The following MRAP variants were observed in gnomAD, a reference collection of about 807,000 sequenced individuals.
MRAP encodes melanocortin 2 receptor accessory protein.
A neutral mutation model predicts 8.7 loss-of-function variants in MRAP; 8 were observed. The observed-to-expected ratio is 0.92, with a 90% CI of 0.54 to 1.66. The LOEUF (loss-of-function observed/expected upper bound fraction) is 1.66. Ranked by LOEUF, MRAP falls within the 40% of genes most tolerant of loss-of-function variation. MRAP has a pLI of 0.00. For synonymous variants in MRAP, 95 were observed against 95.5 expected, an observed-to-expected ratio of 1.00 and a Z score of 0.03; for missense variants, 237 against 217.1, an observed-to-expected ratio of 1.09 and a Z score of -0.58.
chr21:32,298,107 A>C (rs1331736313), upstream of MRAP, among the ~76,000 whole-genome samples: 2 of 152,172 alleles, frequency 1.3e-5, no homozygotes, highest in Non-Finnish European at 2.9e-5. Flanking sequence ...CTCATTCCAG[A>C]TGTTCAGAAT....
chr21:32,313,458 T>C (rs1424956608), downstream of MRAP: 1 of 152,204 alleles, frequency 6.6e-6, no homozygotes, highest in Non-Finnish European at 1.5e-5. Context: ...CAGGATAGTC[T>C]CAAAGAATAG....
intron 1 of MRAP, among the ~76,000 whole-genome samples, chr21:32,302,094 T>C (rs1370741449): frequency 6.6e-6 from 1 of 152,250 alleles, no homozygotes; most frequent in Admixed American, 6.5e-5. Context: ...GACTCTACTG[T>C]TGCTCAACAA....
downstream of MRAP, chr21:32,314,533 TA>T: frequency 6.2e-7 from 1 of 1,606,112 alleles, no homozygotes; most frequent in Non-Finnish European, 8.5e-7. Context: ...AAAAATCTGA[TA>T]CCTTTTGACA....
intron 2 of MRAP, among the ~76,000 whole-genome samples, chr21:32,293,534 A>G (rs1467074739): frequency 6.6e-5 from 10 of 152,126 alleles, no homozygotes; most frequent in Admixed American, 6.5e-4. Context: ...AGGTCCCACC[A>G]CCTGAGACCA....
chr21:32,303,973 T>A (rs1343793369), intron 1 of MRAP, among the ~76,000 whole-genome samples: 2 of 152,218 alleles, frequency 1.3e-5, no homozygotes, highest in East Asian at 1.9e-4. Flanking sequence ...TGTCATCTTA[T>A]TTCTTGCTCA....
upstream of MRAP, among the ~76,000 whole-genome samples, chr21:32,294,608 TA>T: frequency 6.6e-6 from 1 of 152,342 alleles, no homozygotes; most frequent in Non-Finnish European, 1.5e-5. Context: ...AGTAGATATA[TA>T]ATTTTTAACT....
At chr21:32,297,689 C>T (rs1344509603), upstream of MRAP, among the ~76,000 whole-genome samples, 1 of 152,162 alleles carries the variant, frequency 6.6e-6, no homozygotes, top group Admixed American at 6.5e-5. Flanking sequence ...GAGTGTCTAC[C>T]AAGAATAGGA....
intron 1 of MRAP, among the ~76,000 whole-genome samples, chr21:32,304,021 A>G (rs1347359132): frequency 1.3e-5 from 2 of 152,234 alleles, no homozygotes; most frequent in African/African-American, 2.4e-5. Flanking sequence ...GACAAGTGTC[A>G]GTCTGGGAGA....
In MRAP at chr21:32,311,740, T is replaced by G. The variant is rs762530801; in HGVS notation, c.263T>G (p.Leu88Arg). The change falls in exon 3 of 3, where the codon CTC becomes CGC. Residue 88 changes from leucine (L) to arginine (R), a missense_variant. Leu to Arg is a moderately radical substitution (Grantham distance 102). Coordinates refer to ENST00000303645, the MANE Select transcript of MRAP (RefSeq NM_001379228.1). ...TGGAGTCACGGCCTCAACCTCCACCTCTGCATCCAGAAGTGCCTGCCGTGC... is the reference window on the plus strand; with the variant it reads ...TGGAGTCACGGCCTCAACCTCCACCGCTGCATCCAGAAGTGCCTGCCGTGC... Reference protein sequence around the residue: ...CPWSHGLNLHLCIQKCLPCHR... With the variant: ...CPWSHGLNLHRCIQKCLPCHR... The G allele has an allele frequency of 6.2e-7, 1 of 1,614,028 alleles. No homozygotes were observed. Among genetic ancestry groups the G allele is most frequent in the Non-Finnish European group, 8.5e-7 (1 of 1,179,988 alleles).
At chr21:32,295,902 G>C (rs569264613), upstream of MRAP, among the ~76,000 whole-genome samples, 1 of 152,292 alleles carries the variant, frequency 6.6e-6, no homozygotes, top group African/African-American at 2.4e-5. Flanking sequence ...CTTGAACTCA[G>C]GAGGCAGAGG....
At chr21:32,305,033 C>T (rs530904812) in intron 1 of MRAP, among the ~76,000 whole-genome samples, 6 of 136,116 alleles carry the variant, frequency 4.4e-5, no homozygotes, top group East Asian at 2.2e-4. Flanking sequence ...AGCACACTGG[C>T]GTGATCGTAG....
At chr21:32,310,357 G>C (rs1049786247) in intron 2 of MRAP, among the ~76,000 whole-genome samples, 55 of 152,114 alleles carry the variant, frequency 3.6e-4, no homozygotes, top group Non-Finnish European at 8.8e-5. Context: ...AGGGGAGGAG[G>C]GAGGTGGGGA....
downstream of MRAP, chr21:32,312,455 C>A: frequency 4.3e-6 from 2 of 462,562 alleles, no homozygotes; most frequent in Non-Finnish European, 3.2e-6. Flanking sequence ...ATGGCATCTG[C>A]CCTGCCAGGT....
In MRAP at chr21:32,311,679, C is replaced by T. The variant is rs569553200; in HGVS notation, c.207-5C>T. ...TGCCTGCCTCCCACTCTGCTCTGTT[C>T]ACAGGAACAGCCCCAAGCACCACCA... On this transcript the variant is annotated splice_polypyrimidine_tract_variant and splice_region_variant and intron_variant, in intron 2 of 2. Coordinates refer to ENST00000303645, the MANE Select transcript of MRAP (RefSeq NM_001379228.1). The T allele has an allele frequency of 6.2e-7, 1 of 1,613,836 alleles. No individual in the cohort carries two copies. The highest frequency in any genetic ancestry group is 1.3e-5 in the African/African-American group (1 of 75,052).
At position 32,300,046 on chromosome 21, in the gene MRAP, C is replaced by T. The variant is rs547092270; in HGVS notation, c.106+969C>T. On this transcript the variant is annotated intron_variant, in intron 1 of 2. Coordinates refer to ENST00000303645, the MANE Select transcript of MRAP (RefSeq NM_001379228.1). ...CTGGAAACCCATGCGCTACCTATCC[C>T]GTAGGAAGTCTTAGCTTCCTTGGGT... Among the ~76,000 whole-genome samples the T allele has an allele frequency of 7.0e-4, 107 of 152,324 alleles. 1 individual carries two copies. Among genetic ancestry groups the T allele is most frequent in the African/African-American group, 2.4e-3 (100 of 41,574 alleles).
intron 1 of MRAP, among the ~76,000 whole-genome samples, chr21:32,305,395 C>T (rs1296814863): frequency 6.6e-6 from 1 of 152,176 alleles, no homozygotes; most frequent in East Asian, 1.9e-4. Flanking sequence ...TACTCAAATA[C>T]CAATCTTCAC....
intron 2 of MRAP, chr21:32,311,031 A>G (rs2032551439): frequency 6.6e-6 from 1 of 152,308 alleles, no homozygotes; most frequent in African/African-American, 2.4e-5. Flanking sequence ...TTTATAAAGG[A>G]AAGAGGTTTA....
intron 1 of MRAP, among the ~76,000 whole-genome samples, chr21:32,304,788 C>T (rs956968353): frequency 2.0e-5 from 3 of 151,950 alleles, no homozygotes; most frequent in South Asian, 2.1e-4. Flanking sequence ...TTTCTCAGCT[C>T]GGAGACAGAC....
Position 32,298,925 on chromosome 21 carries a change from C to A in MRAP, c.-47C>A. 2.1e-6 allele frequency: 3 copies of A among 1,417,168 alleles called. No individual in the cohort carries two copies. In the South Asian group the frequency reaches 3.5e-5, roughly 16 times the overall value. The allele number at this position is 1,417,168 out of a possible 1,614,324, so 87.8% of individuals were successfully genotyped here. A position where few individuals can be genotyped will look rare whatever the true frequency, so the allele number is the denominator to read the frequency against. Reference sequence around the variant, plus strand: ...CCTCCCAGGGGCTTGGCGCCTGGCTCGAGGCGAGGCTGCCGGCCCGGACGC... The same window carrying A: ...CCTCCCAGGGGCTTGGCGCCTGGCTAGAGGCGAGGCTGCCGGCCCGGACGC... On this transcript the variant is annotated 5_prime_UTR_variant, in exon 1 of 3. Transcript: ENST00000303645.
Sources: gnomAD v4.1 joint callset for allele counts (sites outside exome capture counted in the v4.1 genomes callset) on GRCh38, gnomAD v4.1.1 for gene constraint, MANE v1.5 for transcripts, NCBI Gene and HGNC (gene_info 2026-07-23, HGNC 2026-07-21) for gene names.